GRIN2A: variants seen among roughly 807,000 people sequenced by gnomAD.
The protein encoded by GRIN2A is glutamate receptor ionotropic, NMDA 2A.
Under a neutral mutation model 113.4 loss-of-function variants are expected in GRIN2A, and 22 were observed. The observed-to-expected ratio is 0.19, with a 90% confidence interval of 0.14 to 0.28. The LOEUF is 0.28. GRIN2A is among the 10% of genes least tolerant of loss of function. The pLI, the probability that GRIN2A is intolerant of heterozygous loss-of-function variation, is 1.00. For missense variants in GRIN2A, 1,502 were observed against 1,887.0 expected, an observed-to-expected ratio of 0.80 and a Z score of 3.78; for synonymous variants, 827 against 738.4, an observed-to-expected ratio of 1.12 and a Z score of -1.94.
intron 2 of GRIN2A, among the ~76,000 whole-genome samples, chr16:9,948,405 C>A (rs913887415): frequency 6.6e-6 from 1 of 152,174 alleles, no homozygotes; most frequent in African/African-American, 2.4e-5. Flanking sequence ...TGCTGCTAGT[C>A]CATGGACCAA....
At chr16:9,772,922 C>CAAAAAAAAAAAAA (rs71400490) in intron 11 of GRIN2A, among the ~76,000 whole-genome samples, 1 of 105,014 alleles carries the variant, frequency 9.5e-6, no homozygotes, top group Non-Finnish European at 1.9e-5. Context: ...ACTTCAATTT[C>CAAAAAAAAAAAAA]AAAAAAAAAA....
At chr16:10,069,930 G>A (rs930209552) in intron 2 of GRIN2A, among the ~76,000 whole-genome samples, 1 of 152,192 alleles carries the variant, frequency 6.6e-6, no homozygotes, top group Non-Finnish European at 1.5e-5. Context: ...AACAGTTAAG[G>A]GTGGGGAGCA....
intron 4 of GRIN2A, among the ~76,000 whole-genome samples, chr16:9,877,089 A>T (rs531575242): frequency 1.3e-5 from 2 of 152,264 alleles, no homozygotes; most frequent in East Asian, 3.9e-4. Flanking sequence ...AAACTTGGAG[A>T]CTCACAAGAC....
intron 2 of GRIN2A, among the ~76,000 whole-genome samples, chr16:10,000,409 T>C (rs1433276701): frequency 6.6e-6 from 1 of 152,172 alleles, no homozygotes; most frequent in Admixed American, 6.5e-5. Context: ...ATGTCTCAGC[T>C]ATCAAGAGAA....
At chr16:10,091,326 T>A (rs777163872) in intron 2 of GRIN2A, among the ~76,000 whole-genome samples, 1 of 152,140 alleles carries the variant, frequency 6.6e-6, no homozygotes, top group African/African-American at 2.4e-5. Flanking sequence ...AACAAAATGT[T>A]GGCTGGGCGC....
intron 3 of GRIN2A, among the ~76,000 whole-genome samples, chr16:9,903,587 C>T (rs995617208): frequency 2.0e-5 from 3 of 152,194 alleles, no homozygotes; most frequent in African/African-American, 7.2e-5. Flanking sequence ...TTTTCTGCAG[C>T]TGTAATTCCT....
chr16:9,909,037 T>C (rs898124514), intron 3 of GRIN2A, among the ~76,000 whole-genome samples: 6 of 152,132 alleles, frequency 3.9e-5, no homozygotes, highest in Admixed American at 2.6e-4. Flanking sequence ...GATAAAGACA[T>C]ACCTGAACTG....
chr16:10,012,380 C>T (rs1567233550), intron 2 of GRIN2A, among the ~76,000 whole-genome samples: 1 of 152,156 alleles, frequency 6.6e-6, no homozygotes, highest in East Asian at 1.9e-4. Flanking sequence ...CCCTCATATG[C>T]TAAATTTCAT....
intron 2 of GRIN2A, among the ~76,000 whole-genome samples, chr16:10,117,625 G>C (rs1045919778): frequency 1.3e-5 from 2 of 152,150 alleles, no homozygotes; most frequent in Non-Finnish European, 2.9e-5. Context: ...TGTTCACAGG[G>C]ACCAGGAGCA....
At position 9,845,203 on chromosome 16, in the gene GRIN2A, A is replaced by C. The variant is rs562166780; in HGVS notation, c.1329-4099T>G. Among the ~76,000 whole-genome samples, 8 of 152,284 alleles carry C rather than the reference A, an allele frequency of 5.3e-5. No homozygotes were observed. The South Asian group carries it at 1.5e-3, about 28-fold the overall frequency. On this transcript the variant is annotated intron_variant, in intron 5 of 12. Coordinates refer to ENST00000330684, the MANE Select transcript of GRIN2A (RefSeq NM_001134407.3). ...AAGCTACTATCTCCTCACAGAAACC[A>C]AAAACGTGAATTTGAACCTGTTAAG...
chr16:9,935,506 ACTT>A (rs1180468379), intron 3 of GRIN2A, among the ~76,000 whole-genome samples: 3 of 133,360 alleles, frequency 2.2e-5, no homozygotes, highest in East Asian at 2.1e-4. Context: ...TATTCTGTCT[ACTT>A]CATCACACAC....
chr16:10,137,955 A>G (rs1739081510), intron 2 of GRIN2A, among the ~76,000 whole-genome samples: 1 of 152,228 alleles, frequency 6.6e-6, no homozygotes, highest in South Asian at 2.1e-4. Context: ...TGGGCTGTAC[A>G]GTCTGGGATG....
At chr16:9,837,752 C>T (rs996537317) in intron 7 of GRIN2A, among the ~76,000 whole-genome samples, 1 of 152,144 alleles carries the variant, frequency 6.6e-6, no homozygotes, top group East Asian at 1.9e-4. Context: ...TCAATATCAG[C>T]TGGTTGCATT....
chr16:9,838,926 A>G (rs2042626617), intron 7 of GRIN2A, among the ~76,000 whole-genome samples: 1 of 152,164 alleles, frequency 6.6e-6, no homozygotes, highest in African/African-American at 2.4e-5. Context: ...GATGGGAGGG[A>G]GATGAGTGAT....
At chr16:10,012,359 A>G (rs1398669504) in intron 2 of GRIN2A, among the ~76,000 whole-genome samples, 1 of 152,208 alleles carries the variant, frequency 6.6e-6, no homozygotes, top group Non-Finnish European at 1.5e-5. Context: ...GGGTTGTATT[A>G]ATGCATTTAA....
intron 2 of GRIN2A, among the ~76,000 whole-genome samples, chr16:9,979,295 A>C (rs561765888): frequency 6.6e-6 from 1 of 152,234 alleles, no homozygotes; most frequent in East Asian, 1.9e-4. Flanking sequence ...GGTTATTCTG[A>C]AGACGAGATC....
chr16:10,044,316 G>T (rs942958694), intron 2 of GRIN2A, among the ~76,000 whole-genome samples: 1 of 151,938 alleles, frequency 6.6e-6, no homozygotes, highest in African/African-American at 2.4e-5. Flanking sequence ...ACGGGTGTGA[G>T]CCACCACACC....
chr16:9,889,297 G>C (rs2043646686), intron 4 of GRIN2A, among the ~76,000 whole-genome samples: 1 of 152,062 alleles, frequency 6.6e-6, no homozygotes, highest in African/African-American at 2.4e-5. Context: ...AGGATCTGTA[G>C]TGTCTGTAAG....
intron 11 of GRIN2A, among the ~76,000 whole-genome samples, chr16:9,781,975 T>C (rs905042402): frequency 1.3e-5 from 2 of 152,122 alleles, no homozygotes; most frequent in Admixed American, 1.3e-4. Flanking sequence ...AAGTGAAAAA[T>C]CATGGACTAT....
Sources: allele counts gnomAD v4.1 joint callset (sites outside exome capture counted in the v4.1 genomes callset), GRCh38; gene constraint gnomAD v4.1.1; transcripts MANE v1.5; gene names NCBI Gene and HGNC (gene_info 2026-07-23, HGNC 2026-07-21).